The following CTTNBP2 variants were observed in gnomAD, a reference collection of about 807,000 sequenced individuals.
The protein encoded by CTTNBP2 is cortactin-binding protein 2.
Under a neutral mutation model 156.9 loss-of-function variants are expected in CTTNBP2, and 108 were observed. The ratio of observed to expected loss-of-function variants is 0.69; its 90% confidence interval spans 0.59 to 0.81. The LOEUF (loss-of-function observed/expected upper bound fraction) is 0.81, where lower values mean the gene tolerates loss of function less well. CTTNBP2 is among the 30% of genes least tolerant of loss of function. The pLI, the probability that CTTNBP2 is intolerant of heterozygous loss-of-function variation, is 0.00. For synonymous variants in CTTNBP2, 767 were observed against 751.8 expected (o/e 1.02, Z -0.33); for missense variants, 1,924 against 2,035.4 (o/e 0.95, Z 1.05).
intron 1 of CTTNBP2, among the ~76,000 whole-genome samples, chr7:117,866,779 T>C (rs1044487761): frequency 8.5e-5 from 13 of 152,200 alleles, no homozygotes; most frequent in Non-Finnish European, 1.3e-4. Context: ...GAAATTCATT[T>C]AGGTCATTTC....
chr7:117,826,439 G>GA, intron 2 of CTTNBP2, among the ~76,000 whole-genome samples: 1 of 151,758 alleles, frequency 6.6e-6, no homozygotes, highest in Non-Finnish European at 1.5e-5. Context: ...TCACATTTAG[G>GA]AAAAAAAGAT....
intron 14 of CTTNBP2, among the ~76,000 whole-genome samples, chr7:117,739,964 T>A (rs1019737021): frequency 2.6e-5 from 4 of 152,122 alleles, no homozygotes; most frequent in Non-Finnish European, 5.9e-5. Context: ...AGTGTTTAAT[T>A]TTTTTTTCTG....
intron 16 of CTTNBP2, 52 bp from the exon 17 acceptor site, chr7:117,728,319 T>C (rs1209052942): frequency 7.7e-7 from 1 of 1,300,368 alleles, no homozygotes. Flanking sequence ...ACATTTTGTT[T>C]TTAGAAGCCC....
chr7:117,787,993 G>A (rs1313435388), intron 4 of CTTNBP2, among the ~76,000 whole-genome samples: 1 of 152,038 alleles, frequency 6.6e-6, no homozygotes, highest in East Asian at 1.9e-4. Flanking sequence ...TTAATGTTTT[G>A]AGACATGGTC....
At chr7:117,764,058 C>A (rs1296196738) in intron 9 of CTTNBP2, among the ~76,000 whole-genome samples, 2 of 152,072 alleles carry the variant, frequency 1.3e-5, no homozygotes, top group African/African-American at 4.8e-5. Flanking sequence ...TGACCCTGTT[C>A]TCCAGCCCTG....
intron 3 of CTTNBP2, chr7:117,793,298 T>C (rs1380465509): frequency 6.6e-6 from 1 of 152,158 alleles, no homozygotes; most frequent in African/African-American, 2.4e-5. Flanking sequence ...CTATGATGAG[T>C]TGTTGTGGAA....
intron 1 of CTTNBP2, among the ~76,000 whole-genome samples, chr7:117,870,154 T>C (rs557644042): frequency 6.6e-6 from 1 of 152,294 alleles, no homozygotes; most frequent in African/African-American, 2.4e-5. Flanking sequence ...GACACCATCA[T>C]CCCCAATTTG....
intron 3 of CTTNBP2, chr7:117,793,585 G>A (rs1445647027): frequency 6.6e-6 from 1 of 152,286 alleles, no homozygotes; most frequent in African/African-American, 2.4e-5. Flanking sequence ...TGGCACAAGA[G>A]TGACCTGTGG....
intron 9 of CTTNBP2, among the ~76,000 whole-genome samples, chr7:117,762,458 T>TGAA (rs1797263735): frequency 2.6e-5 from 4 of 152,290 alleles, no homozygotes; most frequent in Non-Finnish European, 5.9e-5. Flanking sequence ...TTATACTCCC[T>TGAA]CACACTTCAC....
At chr7:117,854,635 C>T (rs995190963) in intron 2 of CTTNBP2, among the ~76,000 whole-genome samples, 1 of 151,408 alleles carries the variant, frequency 6.6e-6, no homozygotes, top group Non-Finnish European at 1.5e-5. Flanking sequence ...TTGAAAGGGC[C>T]CTGAAGTTGT....
At position 117,791,525 on chromosome 7, in the gene CTTNBP2, A is replaced by T. The variant is rs150454757; in HGVS notation, c.1671T>A (p.Ser557=). The T allele has an allele frequency of 1.7e-4, 277 of 1,614,000 alleles. No individual in the cohort carries two copies. In the African/African-American group the frequency reaches 3.2e-3, roughly 19 times the overall value. ...PKKPGLSQTP[S]PPHPQLKVII... ...TAACCTTGAGTTGGGGGTGTGGTGG[A>T]GAAGGAGTTTGGGAGAGCCCTGGCT... Residue 557 remains serine (S), a synonymous_variant, in exon 4 of 23, where the codon TCT becomes TCA. Coordinates refer to ENST00000160373, the MANE Select transcript of CTTNBP2 (RefSeq NM_033427.3).
intron 2 of CTTNBP2, among the ~76,000 whole-genome samples, chr7:117,811,889 GTA>G (rs1800312643): frequency 8.0e-6 from 1 of 124,270 alleles, no homozygotes; most frequent in Non-Finnish European, 1.7e-5. Context: ...AAATTTTAAT[GTA>G]AAAATTTTAA....
In CTTNBP2 at chr7:117,720,965, A is replaced by C; in HGVS notation, c.4511+102T>G. 8.6e-6 allele frequency: 7 copies of C among 812,464 alleles called. No individual in the cohort carries two copies. The South Asian group carries it at 9.9e-5, about 11-fold the overall frequency. 50.3% of individuals were successfully genotyped at this position (812,464 alleles called of 1,614,324 possible). ...ATAACTTTTTTAAAACCATATTAAC[A>C]TAATAGTCATTCAAATGAGAACATG... On this transcript the variant is annotated intron_variant, in intron 20 of 22. Coordinates refer to ENST00000160373, the MANE Select transcript of CTTNBP2 (RefSeq NM_033427.3).
intron 2 of CTTNBP2, among the ~76,000 whole-genome samples, chr7:117,853,904 T>G (rs139748506): frequency 5.9e-5 from 9 of 152,318 alleles, no homozygotes; most frequent in African/African-American, 1.9e-4. Context: ...TCACCTGCAT[T>G]TTCTAATATA....
intron 3 of CTTNBP2, among the ~76,000 whole-genome samples, chr7:117,798,070 G>T (rs954668326): frequency 6.6e-6 from 1 of 151,978 alleles, no homozygotes; most frequent in Admixed American, 6.6e-5. Flanking sequence ...GACATATTAC[G>T]TACAGAGAAT....
At chr7:117,804,621 A>G (rs35720191) in intron 3 of CTTNBP2, among the ~76,000 whole-genome samples, 3,538 of 152,302 alleles carry the variant, frequency 0.023, 61 homozygotes, top group African/African-American at 0.034. Context: ...TACTTTGCAG[A>G]GACATGGATG....
intron 17 of CTTNBP2, 87 bp from the exon 18 acceptor site, chr7:117,725,344 T>TG: frequency 1.6e-6 from 2 of 1,256,928 alleles, no homozygotes; most frequent in Non-Finnish European, 2.3e-6. Flanking sequence ...TTGAAGACTA[T>TG]GGGGAAAAAA....
At chr7:117,772,403 T>C in intron 8 of CTTNBP2, among the ~76,000 whole-genome samples, 1 of 152,194 alleles carries the variant, frequency 6.6e-6, no homozygotes, top group Non-Finnish European at 1.5e-5. Context: ...TGCCAGGTGA[T>C]GCTGTTGGAG....
chr7:117,765,577 T>A (rs1420818465), intron 9 of CTTNBP2, among the ~76,000 whole-genome samples: 4 of 152,154 alleles, frequency 2.6e-5, no homozygotes, highest in African/African-American at 7.2e-5. Flanking sequence ...CCTGCCAACA[T>A]GTCTGAGATA....
Sources: allele counts gnomAD v4.1 joint callset (sites outside exome capture counted in the v4.1 genomes callset), GRCh38; gene constraint gnomAD v4.1.1; transcripts MANE v1.5; gene names NCBI Gene and HGNC (gene_info 2026-07-23, HGNC 2026-07-21).